The following WDR49 variants were observed in gnomAD, a reference collection of about 807,000 sequenced individuals.
WDR49 encodes the protein WD repeat domain 49.
In WDR49, 107 loss-of-function variants were observed where a neutral mutation model predicts 119.5. The ratio of observed to expected loss-of-function variants is 0.90; its 90% CI spans 0.77 to 1.05. WDR49 has a LOEUF of 1.05. WDR49 is among the 50% of genes least tolerant of loss of function. The pLI, the probability that WDR49 is intolerant of heterozygous loss-of-function variation, is 0.00. For missense variants in WDR49, 1,240 were observed against 1,220.5 expected (o/e 1.02, Z -0.24); for synonymous variants, 425 against 418.8 (o/e 1.01, Z -0.18).
At chr3:167,589,147 C>T (rs1714978920) in intron 7 of WDR49, among the ~76,000 whole-genome samples, 1 of 152,102 alleles carries the variant, frequency 6.6e-6, no homozygotes, top group Non-Finnish European at 1.5e-5. Flanking sequence ...ATATTATCTT[C>T]TGCATATAGA....
intron 18 of WDR49, among the ~76,000 whole-genome samples, chr3:167,499,512 C>G (rs550128502): frequency 2.0e-5 from 3 of 152,248 alleles, no homozygotes; most frequent in African/African-American, 7.2e-5. Flanking sequence ...GTTGTGTTAC[C>G]TGTTCTTTCA....
chr3:167,539,215 T>A (rs1223958322), intron 10 of WDR49, among the ~76,000 whole-genome samples: 1 of 152,034 alleles, frequency 6.6e-6, no homozygotes, highest in East Asian at 1.9e-4. Context: ...GAATTCAAAG[T>A]TTTAAATTTA....
At chr3:167,580,516 T>C (rs1375305266) in intron 7 of WDR49, among the ~76,000 whole-genome samples, 6 of 152,180 alleles carry the variant, frequency 3.9e-5, no homozygotes, top group Non-Finnish European at 7.4e-5. Flanking sequence ...AGGCATTTCC[T>C]TTGCATTATA....
chr3:167,596,801 C>T (rs1229106541), intron 7 of WDR49, among the ~76,000 whole-genome samples: 16 of 150,876 alleles, frequency 1.1e-4, no homozygotes, highest in Non-Finnish European at 1.9e-4. Context: ...AGCGCACCAG[C>T]ATGGCACATA....
intron 10 of WDR49, among the ~76,000 whole-genome samples, chr3:167,545,826 C>T (rs1712155516): frequency 6.7e-6 from 1 of 150,156 alleles, no homozygotes; most frequent in Non-Finnish European, 1.5e-5. Context: ...CTTTTCCTTG[C>T]AACCAAACAC....
upstream of WDR49, among the ~76,000 whole-genome samples, chr3:167,654,247 GT>G (rs1224091487): frequency 3.9e-5 from 6 of 152,072 alleles, no homozygotes; most frequent in East Asian, 1.2e-3. Flanking sequence ...GGAATTTTAT[GT>G]TTTATACACA....
intron 2 of WDR49, among the ~76,000 whole-genome samples, chr3:167,645,330 C>T (rs958637480): frequency 4.6e-5 from 7 of 152,086 alleles, no homozygotes; most frequent in Non-Finnish European, 8.8e-5. Context: ...CCCCCCTCAG[C>T]CTCCCGAGTA....
intron 16 of WDR49, among the ~76,000 whole-genome samples, chr3:167,505,679 G>A (rs1751744269): frequency 6.6e-6 from 1 of 152,092 alleles, no homozygotes; most frequent in Non-Finnish European, 1.5e-5. Flanking sequence ...ATAGCAACAA[G>A]GTTAGAGAAA....
chr3:167,559,997 C>T (rs1222770532), intron 9 of WDR49, 67 bp downstream of exon 9: 48 of 1,544,590 alleles, frequency 3.1e-5, no homozygotes, highest in Non-Finnish European at 4.1e-5. Context: ...ATATCTATAG[C>T]CATGTCTTCT....
At chr3:167,649,504 A>G (rs1262485545) in intron 2 of WDR49, among the ~76,000 whole-genome samples, 1 of 152,204 alleles carries the variant, frequency 6.6e-6, no homozygotes, top group Non-Finnish European at 1.5e-5. Flanking sequence ...AAGATAATCA[A>G]GGATGAGAAT....
rs1051945234 is a variant in WDR49 at position 167,653,383 on chromosome 3, G to C, written c.43C>G (p.Gln15Glu). ...KAVLELNIGS[Q>E]LGPKSPERTE... Reference sequence around the variant, plus strand: ...CTCTCAGGACTCTTTGGCCCAAGCTGTGACCCTATGTTTAACTCAAGTACA... The same window carrying C: ...CTCTCAGGACTCTTTGGCCCAAGCTCTGACCCTATGTTTAACTCAAGTACA... The change falls in exon 2 of 19, where the codon CAG becomes GAG. Residue 15 changes from glutamine to glutamate, a missense_variant. Transcript: ENST00000682715. 2.0e-6 allele frequency: 3 copies of C among 1,534,222 alleles called. No homozygotes were observed. Among genetic ancestry groups the C allele is most frequent in the South Asian group, 1.2e-5 (1 of 82,980 alleles).
chr3:167,554,616 A>T (rs1211845084), intron 10 of WDR49, 34 bp downstream of exon 10: 2 of 1,346,816 alleles, frequency 1.5e-6, no homozygotes, highest in Admixed American at 2.2e-5. Context: ...TTTCTTTTAG[A>T]TTTTGATTAA....
rs146138422 is a variant in WDR49 at position 167,638,016 on chromosome 3, G to T, written c.166-10724C>A. ...ATGCTCTTTGAATATGTACACTTCA[G>T]TGTAGAGACTAGGTGTGCTGGTTAC... On this transcript the variant is annotated intron_variant, in intron 2 of 18. Coordinates refer to ENST00000682715, the MANE Select transcript of WDR49 (RefSeq NM_001366157.1). Among the ~76,000 whole-genome samples the T allele has an allele frequency of 2.1e-3, 325 of 151,586 alleles. 1 individual carries two copies. The highest frequency in any genetic ancestry group is 7.3e-3 in the African/African-American group (303 of 41,488).
intron 15 of WDR49, among the ~76,000 whole-genome samples, chr3:167,523,777 T>C (rs756062447): frequency 7.2e-5 from 11 of 152,206 alleles, no homozygotes; most frequent in Non-Finnish European, 1.3e-4. Context: ...TGCCACATTT[T>C]CTTTTTCTGG....
chr3:167,607,087 AT>A (rs1311440234), intron 5 of WDR49, among the ~76,000 whole-genome samples: 1 of 152,216 alleles, frequency 6.6e-6, no homozygotes, highest in Non-Finnish European at 1.5e-5. Flanking sequence ...TGACTTCTCT[AT>A]ACGGCATTCC....
intron 2 of WDR49, among the ~76,000 whole-genome samples, chr3:167,637,982 A>G (rs1254235326): frequency 1.3e-5 from 2 of 151,468 alleles, no homozygotes; most frequent in African/African-American, 4.8e-5. Flanking sequence ...GAACAAGACA[A>G]CAAGATCAAT....
chr3:167,485,697 A>T (rs2108192134), intron 18 of WDR49, among the ~76,000 whole-genome samples: 1 of 152,276 alleles, frequency 6.6e-6, no homozygotes, highest in East Asian at 1.9e-4. Context: ...AAATCAACTC[A>T]GTCAGACAAA....
At chr3:167,492,582 G>C (rs6770465) in intron 18 of WDR49, among the ~76,000 whole-genome samples, 27,123 of 151,988 alleles carry the variant, frequency 0.18, 3,616 homozygotes, top group African/African-American at 0.38. Context: ...CAGGCACTGT[G>C]CTTAGGGCTT....
At position 167,626,994 on chromosome 3, in the gene WDR49, T is replaced by C. The variant is rs1030228197; in HGVS notation, c.464A>G (p.Tyr155Cys). 10 of 1,335,708 alleles carry C rather than the reference T, an allele frequency of 7.5e-6. No homozygotes were observed. In the African/African-American group the frequency reaches 1.5e-4, roughly 20 times the overall value. The allele number at this position is 1,335,708 out of a possible 1,614,324, so 82.7% of individuals were successfully genotyped here. A position where few individuals can be genotyped will look rare whatever the true frequency, so the allele number is the denominator to read the frequency against. Residue 155 changes from tyrosine to cysteine, a missense_variant, in exon 3 of 19, where the codon TAT becomes TGT. Transcript: ENST00000682715. ...TAAACCTTCTTTACTAATTGTCAGA[T>C]AATGACTTGAATTTTTTAAGAAAAT... ...KVIFLKNSSH[Y>C]LTISKEGLLA... is the part of the protein sequence containing the mutation.
Sources: allele counts gnomAD v4.1 joint callset (sites outside exome capture counted in the v4.1 genomes callset), GRCh38; gene constraint gnomAD v4.1.1; transcripts MANE v1.5; gene names NCBI Gene and HGNC (gene_info 2026-07-23, HGNC 2026-07-21).